LAMA3: variants seen among roughly 807,000 people sequenced by gnomAD.
LAMA3 encodes the protein laminin subunit alpha-3.
Under a neutral mutation model 402.0 loss-of-function variants are expected in LAMA3, and 281 were observed. The observed-to-expected ratio is 0.70, with a 90% confidence interval of 0.63 to 0.77. LAMA3 has a LOEUF of 0.77. Among genes scored for constraint, LAMA3 ranks in the 30% least tolerant of loss-of-function variants. LAMA3 has a pLI of 0.00. For synonymous variants in LAMA3, 1,431 were observed against 1,558.4 expected (o/e 0.92, Z 1.93); for missense variants, 3,840 against 4,215.5 (o/e 0.91, Z 2.47).
intron 12 of LAMA3, among the ~76,000 whole-genome samples, chr18:23,789,750 C>T (rs1440757056): frequency 6.6e-6 from 1 of 152,096 alleles, no homozygotes; most frequent in Non-Finnish European, 1.5e-5. Flanking sequence ...CCAAAAGTTG[C>T]ACAACTCTGT....
At chr18:23,777,414 A>C (rs1037542767) in intron 10 of LAMA3, 143 bp from the exon 11 acceptor site, 1 of 662,184 alleles carries the variant, frequency 1.5e-6, no homozygotes, top group African/African-American at 1.8e-5. Context: ...GAGATATAGC[A>C]ATATCGCCTT....
chr18:23,889,935 C>T (rs2080595586), intron 41 of LAMA3, 76 bp from the exon 42 acceptor site: 2 of 1,069,708 alleles, frequency 1.9e-6, no homozygotes, highest in East Asian at 4.7e-5. Context: ...AAACAGAGAG[C>T]TAGAGATTGA....
chr18:23,844,713 A>G (rs1048732789), intron 29 of LAMA3, among the ~76,000 whole-genome samples: 1 of 152,182 alleles, frequency 6.6e-6, no homozygotes, highest in African/African-American at 2.4e-5. Flanking sequence ...CTCTTATCTG[A>G]AATGATTGGG....
chr18:23,847,766 C>T, intron 32 of LAMA3, 98 bp downstream of exon 32: 2 of 1,271,576 alleles, frequency 1.6e-6, no homozygotes, highest in Non-Finnish European at 2.2e-6. Flanking sequence ...CCCACCTGTC[C>T]AGGGGTGCCC....
intron 27 of LAMA3, among the ~76,000 whole-genome samples, chr18:23,840,985 G>A (rs2063689163): frequency 6.6e-6 from 1 of 152,150 alleles, no homozygotes; most frequent in Non-Finnish European, 1.5e-5. Flanking sequence ...GAGCATTTTG[G>A]ATTTTCAGTT....
At chr18:23,734,406 G>A (rs946215555) in intron 2 of LAMA3, among the ~76,000 whole-genome samples, 5 of 152,194 alleles carry the variant, frequency 3.3e-5, no homozygotes, top group East Asian at 1.9e-4. Flanking sequence ...ATGGAGCAGA[G>A]CCCACCTTCA....
At chr18:23,882,312 A>G (rs145916414) in intron 40 of LAMA3, among the ~76,000 whole-genome samples, 93 of 152,350 alleles carry the variant, frequency 6.1e-4, no homozygotes, top group Non-Finnish European at 9.7e-4. Context: ...TGATATTAAA[A>G]TGAACAAACA....
At chr18:23,799,642 A>G (rs527573039) in intron 12 of LAMA3, among the ~76,000 whole-genome samples, 2 of 152,316 alleles carry the variant, frequency 1.3e-5, no homozygotes, top group South Asian at 4.1e-4. Flanking sequence ...TTTCCTCTGC[A>G]TTGACTTTCC....
chr18:23,848,863 C>T (rs1258871069), intron 32 of LAMA3, among the ~76,000 whole-genome samples: 1 of 143,444 alleles, frequency 7.0e-6, no homozygotes, highest in Non-Finnish European at 1.5e-5. Flanking sequence ...CCTTTCTCTT[C>T]GCTTCTGGTG....
At chr18:23,800,837 G>A (rs369244137) in intron 12 of LAMA3, among the ~76,000 whole-genome samples, 9 of 152,032 alleles carry the variant, frequency 5.9e-5, no homozygotes, top group South Asian at 2.1e-4. Flanking sequence ...AGGCTCATCC[G>A]TGTTGCCATA....
In LAMA3 at chr18:23,876,421, C is replaced by G; in HGVS notation, c.5112+14C>G. 5 of 1,484,470 alleles carry G rather than the reference C, an allele frequency of 3.4e-6. No homozygotes were observed. Among genetic ancestry groups the G allele is most frequent in the Non-Finnish European group, 4.7e-6 (5 of 1,061,736 alleles). 92.0% of individuals were successfully genotyped at this position (1,484,470 alleles called of 1,614,324 possible). On this transcript the variant is annotated intron_variant, in intron 39 of 74. Coordinates refer to ENST00000313654, the MANE Select transcript of LAMA3 (RefSeq NM_198129.4). Reference sequence around the variant, plus strand: ...GGCATATGTGTTGTGAGTAAATTGACACTTTAATGCTATCAGCAGACAATC... The same window carrying G: ...GGCATATGTGTTGTGAGTAAATTGAGACTTTAATGCTATCAGCAGACAATC...
chr18:23,951,635 G>A (rs774118812), intron 72 of LAMA3, 49 bp from the exon 73 acceptor site: 5 of 1,487,152 alleles, frequency 3.4e-6, no homozygotes, highest in Non-Finnish European at 4.7e-6. Context: ...GGGAAGGTCG[G>A]CTCCACCTGC....
chr18:23,871,600 G>A lies in LAMA3; in HGVS notation c.4937G>A (p.Arg1646His), dbSNP rs368793692. 6.7e-5 allele frequency: 108 copies of A among 1,613,952 alleles called. 2 individuals are homozygous for A. The South Asian group carries it at 7.6e-4, about 11-fold the overall frequency. Reference sequence around the variant, plus strand: ...GAAGCCTCTGACACAGGAAGTGGGCGCATAGCACTTGCTGTGGAAATCTGT... The same window carrying A: ...GAAGCCTCTGACACAGGAAGTGGGCACATAGCACTTGCTGTGGAAATCTGT... ...LEEASDTGSGRIALAVEICAC... is the reference protein window; with the variant it reads ...LEEASDTGSGHIALAVEICAC... Residue 1646 changes from arginine to histidine, a missense_variant, in exon 38 of 75, where the codon CGC becomes CAC. Physicochemically the swap from Arg to His is conservative, Grantham distance 29. Around this residue, in one of 3 missense-constraint regions of LAMA3, gnomAD observed 2,109 missense variants for 2,376.0 expected, o/e 0.89. Coordinates refer to ENST00000313654, the MANE Select transcript of LAMA3 (RefSeq NM_198129.4).
intron 41 of LAMA3, among the ~76,000 whole-genome samples, 172 bp downstream of exon 41, chr18:23,885,025 C>T (rs1327334509): frequency 6.6e-6 from 1 of 152,072 alleles, no homozygotes; most frequent in African/African-American, 2.4e-5. Context: ...TCATTAATAT[C>T]ATTCTCTTTC....
chr18:23,807,148 A>G (rs2062978018), intron 12 of LAMA3, among the ~76,000 whole-genome samples: 1 of 152,178 alleles, frequency 6.6e-6, no homozygotes. Flanking sequence ...AACCAATTCC[A>G]GAAACCCCCA....
At chr18:23,885,143 C>T (rs2144956512) in intron 41 of LAMA3, among the ~76,000 whole-genome samples, 1 of 151,490 alleles carries the variant, frequency 6.6e-6, no homozygotes, top group South Asian at 2.1e-4. Flanking sequence ...ACCTCAACCC[C>T]CGACACCTCC....
intron 66 of LAMA3, 119 bp downstream of exon 66, chr18:23,932,410 C>T (rs558020987): frequency 6.8e-5 from 74 of 1,096,200 alleles, no homozygotes; most frequent in Non-Finnish European, 1.0e-4. Context: ...GACCCGCATA[C>T]CACAGTCTTT....
intron 13 of LAMA3, 83 bp from the exon 14 acceptor site, chr18:23,812,974 A>G: frequency 1.0e-6 from 1 of 967,108 alleles, no homozygotes; most frequent in Non-Finnish European, 1.7e-6. Context: ...ATTTTTGAAA[A>G]CAAAACGTTT....
intron 4 of LAMA3, among the ~76,000 whole-genome samples, chr18:23,749,861 C>G (rs1410337070): frequency 6.6e-6 from 1 of 152,134 alleles, no homozygotes; most frequent in Admixed American, 6.5e-5. Context: ...TGACCCCTTA[C>G]CTCTTCACCT....
Sources: gnomAD v4.1 joint callset for allele counts (sites outside exome capture counted in the v4.1 genomes callset) on GRCh38, gnomAD v4.1.1 for gene constraint, gnomAD v4.1.1 regional missense constraint, MANE v1.5 for transcripts, NCBI Gene and HGNC (gene_info 2026-07-23, HGNC 2026-07-21) for gene names.